NIPSNAP2: variants seen among roughly 807,000 people sequenced by gnomAD.
NIPSNAP2 encodes nipsnap homolog 2.
NIPSNAP2 carries 42 observed loss-of-function variants against 48.4 expected under a neutral mutation model. That is an observed-to-expected ratio of 0.87 (90% confidence interval 0.68 to 1.12). NIPSNAP2 has a LOEUF of 1.12. Among genes scored for constraint, NIPSNAP2 ranks in the 50% most tolerant of loss-of-function variants. The probability of loss-of-function intolerance (pLI) is 0.00; values close to 1 mark genes in which losing one functional copy is unlikely to be tolerated. For synonymous variants in NIPSNAP2, 158 were observed against 126.6 expected, an observed-to-expected ratio of 1.25 and a Z score of -1.67; for missense variants, 314 against 347.3, an observed-to-expected ratio of 0.90 and a Z score of 0.76.
intron 1 of NIPSNAP2, among the ~76,000 whole-genome samples, chr7:55,969,187 G>T (rs1786962015): frequency 6.6e-6 from 1 of 152,146 alleles, no homozygotes; most frequent in African/African-American, 2.4e-5. Context: ...GAAGTTTCTG[G>T]AAATGAAAGG....
intron 7 of NIPSNAP2, among the ~76,000 whole-genome samples, chr7:55,990,467 A>G (rs905061838): frequency 6.6e-6 from 1 of 152,056 alleles, no homozygotes; most frequent in South Asian, 2.1e-4. Flanking sequence ...TCCTGACCTC[A>G]TGATCCGCCT....
At position 55,964,659 on chromosome 7, in the gene NIPSNAP2, T is replaced by TCCTGCAGCGGGCGGCCC. The variant is rs1786852293; in HGVS notation, c.59_75dup (p.Leu26GlyfsTer27). Reference sequence around the variant, plus strand: ...CGCGGAGCGGCCTGGGCCGGCGGCCTCCTGCAGCGGGCGGCCCCCTGCAGC... The same window carrying TCCTGCAGCGGGCGGCCC: ...CGCGGAGCGGCCTGGGCCGGCGGCCTCCTGCAGCGGGCGGCCCCCTGCAGCGGGCGGCCCCCTGCAGC... On this transcript the variant is annotated frameshift_variant, in exon 1 of 10. Transcript: ENST00000322090. LOFTEE classifies it high-confidence loss of function. 9.0e-7 allele frequency: 1 copy of TCCTGCAGCGGGCGGCCC among 1,110,130 alleles called. No individual in the cohort carries two copies. Among genetic ancestry groups the TCCTGCAGCGGGCGGCCC allele is most frequent in the Non-Finnish European group, 1.1e-6 (1 of 910,688 alleles). The allele number at this position is 1,110,130 out of a possible 1,614,324, so 68.8% of individuals were successfully genotyped here. A position where few individuals can be genotyped will look rare whatever the true frequency, so the allele number is the denominator to read the frequency against.
intron 1 of NIPSNAP2, among the ~76,000 whole-genome samples, chr7:55,967,539 T>C (rs1211383265): frequency 1.3e-5 from 2 of 151,940 alleles, no homozygotes; most frequent in Non-Finnish European, 2.9e-5. Flanking sequence ...TGACCACGGC[T>C]CACTGCAGCC....
chr7:55,992,460 G>A (rs1006791222), intron 7 of NIPSNAP2, among the ~76,000 whole-genome samples: 7 of 152,220 alleles, frequency 4.6e-5, no homozygotes, highest in Middle Eastern at 3.4e-3. Flanking sequence ...ACTGTACTCC[G>A]GCCTGGGTGA....
At chr7:55,976,756 C>T (rs7456530) in intron 1 of NIPSNAP2, among the ~76,000 whole-genome samples, 55,049 of 151,854 alleles carry the variant, frequency 0.36, 10,502 homozygotes, top group Non-Finnish European at 0.43. Flanking sequence ...TGCAAGATGA[C>T]GTATGCCTCT....
At chr7:55,981,885 C>T (rs543451902) in intron 4 of NIPSNAP2, 16 of 327,294 alleles carry the variant, frequency 4.9e-5, no homozygotes, top group Admixed American at 4.5e-5. Flanking sequence ...AGGCTCACTG[C>T]GACCTCTGCC....
At chr7:55,988,298 C>T (rs557992738) in intron 7 of NIPSNAP2, among the ~76,000 whole-genome samples, 4 of 151,982 alleles carry the variant, frequency 2.6e-5, no homozygotes, top group East Asian at 3.9e-4. Flanking sequence ...AACTTTTTAA[C>T]GGACAAAGGA....
intron 5 of NIPSNAP2, 72 bp from the exon 6 acceptor site, chr7:55,983,656 C>T (rs191812918): frequency 8.7e-6 from 13 of 1,495,920 alleles, no homozygotes; most frequent in South Asian, 1.2e-5. Flanking sequence ...TCTGTAGGAA[C>T]ATCAATGTTA....
At chr7:55,997,338 C>T in intron 8 of NIPSNAP2, 28 bp from the exon 9 acceptor site, 4 of 1,552,670 alleles carry the variant, frequency 2.6e-6, no homozygotes, top group Non-Finnish European at 3.6e-6. Context: ...TGTTTTAAGT[C>T]TTACTTCTCT....
At chr7:55,978,070 A>T (rs908384854) in intron 1 of NIPSNAP2, 56 bp from the exon 2 acceptor site, 2 of 1,589,202 alleles carry the variant, frequency 1.3e-6, no homozygotes, top group African/African-American at 2.7e-5. Flanking sequence ...TGCCAGATTA[A>T]CTGATGGATA....
intron 5 of NIPSNAP2, among the ~76,000 whole-genome samples, chr7:55,982,656 G>C (rs1787238545): frequency 6.6e-6 from 1 of 151,864 alleles, no homozygotes; most frequent in South Asian, 2.1e-4. Context: ...GGAGGCTGAA[G>C]CAGGAGAATG....
At chr7:55,984,940 T>G in intron 7 of NIPSNAP2, 62 bp downstream of exon 7, 1 of 1,354,074 alleles carries the variant, frequency 7.4e-7, no homozygotes, top group Non-Finnish European at 1.0e-6. Context: ...TAGGCCATAG[T>G]GTTAATTCTA....
intron 1 of NIPSNAP2, among the ~76,000 whole-genome samples, chr7:55,973,932 G>A (rs569075261): frequency 1.3e-5 from 2 of 152,240 alleles, no homozygotes; most frequent in East Asian, 1.9e-4. Context: ...GTTCAAGAAA[G>A]CAGCAAACTA....
intron 1 of NIPSNAP2, chr7:55,965,336 T>C (rs1046882475): frequency 1.4e-5 from 2 of 145,732 alleles, no homozygotes; most frequent in African/African-American, 2.4e-5. Flanking sequence ...GGCTCTTGTT[T>C]AAACTTTTTT....
chr7:55,969,256 G>C (rs907277065), intron 1 of NIPSNAP2, among the ~76,000 whole-genome samples: 9 of 152,092 alleles, frequency 5.9e-5, no homozygotes, highest in Non-Finnish European at 1.3e-4. Context: ...GCTGGATGGA[G>C]TGTGGTGGTG....
chr7:55,984,417 A>G (rs1414737841), intron 6 of NIPSNAP2, among the ~76,000 whole-genome samples: 1 of 151,998 alleles, frequency 6.6e-6, no homozygotes, highest in African/African-American at 2.4e-5. Flanking sequence ...TCTCTATTAA[A>G]TTAAAAAGTA....
At chr7:55,984,013 G>A in intron 6 of NIPSNAP2, 145 bp downstream of exon 6, 1 of 347,624 alleles carries the variant, frequency 2.9e-6, no homozygotes, top group East Asian at 4.6e-5. Flanking sequence ...TTAAGACTGG[G>A]TCTCACACTG....
intron 1 of NIPSNAP2, among the ~76,000 whole-genome samples, chr7:55,971,307 C>T (rs1405373109): frequency 1.3e-5 from 2 of 152,118 alleles, no homozygotes; most frequent in East Asian, 3.9e-4. Flanking sequence ...TTTGTCAAGA[C>T]GATTGCTGCC....
chr7:55,981,374 A>G, intron 3 of NIPSNAP2, 99 bp from the exon 4 acceptor site: 1 of 771,918 alleles, frequency 1.3e-6, no homozygotes, highest in South Asian at 1.6e-5. Flanking sequence ...TTGTTAGAAC[A>G]CAGAGTAGGT....
Sources: allele counts gnomAD v4.1 joint callset (sites outside exome capture counted in the v4.1 genomes callset), GRCh38; gene constraint gnomAD v4.1.1; transcripts MANE v1.5; gene names NCBI Gene and HGNC (gene_info 2026-07-23, HGNC 2026-07-21).